The following KCNH7 variants were observed in gnomAD, a reference collection of about 807,000 sequenced individuals.
KCNH7 encodes potassium voltage-gated channel subfamily H member 7, also known as voltage-gated inwardly rectifying potassium channel KCNH7.
A neutral mutation model predicts 120.8 loss-of-function variants in KCNH7; 49 were observed. The ratio of observed to expected loss-of-function variants is 0.41; its 90% confidence interval spans 0.32 to 0.51. The LOEUF (loss-of-function observed/expected upper bound fraction) is 0.51. Among genes scored for constraint, KCNH7 ranks in the 20% least tolerant of loss-of-function variants. The pLI, the probability that KCNH7 is intolerant of heterozygous loss-of-function variation, is 0.38. For synonymous variants in KCNH7, 547 were observed against 516.1 expected (o/e 1.06, Z -0.81); for missense variants, 1,097 against 1,446.6 (o/e 0.76, Z 3.92).
chr2:162,816,875 T>C (rs1394439459), intron 2 of KCNH7, among the ~76,000 whole-genome samples: 1 of 152,100 alleles, frequency 6.6e-6, no homozygotes, highest in Non-Finnish European at 1.5e-5. Flanking sequence ...AATACAGAAA[T>C]GAATTGTAAA....
rs76285401 is a variant in KCNH7 at position 162,435,922 on chromosome 2, T to C, written c.1555-325A>G. On this transcript the variant is annotated intron_variant, in intron 7 of 15. Coordinates refer to ENST00000332142, the MANE Select transcript of KCNH7 (RefSeq NM_033272.4). Reference sequence around the variant, plus strand: ...CAACATACATTCTAGTGTGTTACTGTGTGCCTACTAACGCCACAGGCTGAT... The same window carrying C: ...CAACATACATTCTAGTGTGTTACTGCGTGCCTACTAACGCCACAGGCTGAT... Among the ~76,000 whole-genome samples, 566 of 152,212 alleles carry C rather than the reference T, an allele frequency of 3.7e-3. 5 individuals are homozygous for C. The highest frequency in any genetic ancestry group is 0.013 in the African/African-American group (546 of 41,542).
chr2:162,437,327 G>T (rs886647204), intron 7 of KCNH7, among the ~76,000 whole-genome samples: 2 of 152,094 alleles, frequency 1.3e-5, no homozygotes, highest in African/African-American at 4.8e-5. Context: ...GTTTAGAGAG[G>T]TGAGTCTTCT....
At chr2:162,605,294 G>A (rs1682704941) in intron 2 of KCNH7, among the ~76,000 whole-genome samples, 1 of 152,130 alleles carries the variant, frequency 6.6e-6, no homozygotes, top group South Asian at 2.1e-4. Context: ...TTCTTGGGCT[G>A]AGCATGGAAA....
intron 2 of KCNH7, among the ~76,000 whole-genome samples, chr2:162,612,066 C>T (rs1682988768): frequency 6.6e-6 from 1 of 152,002 alleles, no homozygotes; most frequent in African/African-American, 2.4e-5. Flanking sequence ...TGTGAAAAGC[C>T]CTATGAATGC....
At chr2:162,807,456 C>A (rs763531765) in intron 2 of KCNH7, among the ~76,000 whole-genome samples, 4 of 151,286 alleles carry the variant, frequency 2.6e-5, no homozygotes, top group Non-Finnish European at 5.9e-5. Context: ...GAAAACAACC[C>A]AACAAGACAA....
intron 2 of KCNH7, among the ~76,000 whole-genome samples, chr2:162,578,080 A>G (rs780637337): frequency 3.9e-5 from 6 of 151,970 alleles, no homozygotes; most frequent in Non-Finnish European, 7.4e-5. Flanking sequence ...TCCAAGGACT[A>G]TGGAGACAAG....
At chr2:162,586,836 A>C (rs1480991665) in intron 2 of KCNH7, among the ~76,000 whole-genome samples, 1 of 152,102 alleles carries the variant, frequency 6.6e-6, no homozygotes, top group African/African-American at 2.4e-5. Context: ...AAAAATGAAA[A>C]TAAGAAATAT....
chr2:162,517,948 C>T lies in KCNH7; in HGVS notation c.674G>A (p.Cys225Tyr). The T allele has an allele frequency of 6.2e-7, 1 of 1,612,428 alleles. No individual in the cohort carries two copies. The highest frequency in any genetic ancestry group is 8.5e-7 in the Non-Finnish European group (1 of 1,178,896). The change falls in exon 4 of 16, where the codon TGT becomes TAT. Residue 225 changes from cysteine to tyrosine, a missense_variant. This residue lies in a region of KCNH7 where 362 missense variants were observed against 372.2 expected (regional missense o/e 0.97). Transcript: ENST00000332142. The part of the protein sequence containing the change: ...DTKALIQPSK[C>Y]SPLVNISGPL... ...TCCGGATATATTCACCAAGGGAGAA[C>T]ATTTGCTGGGCTGTATCAAAGCTTT...
chr2:162,521,100 C>T (rs776747323), intron 3 of KCNH7, among the ~76,000 whole-genome samples: 2 of 151,866 alleles, frequency 1.3e-5, no homozygotes, highest in African/African-American at 4.8e-5. Flanking sequence ...CCTTTCATAG[C>T]TTTCACCACA....
intron 2 of KCNH7, among the ~76,000 whole-genome samples, chr2:162,618,159 T>A (rs1683215158): frequency 6.6e-6 from 1 of 151,992 alleles, no homozygotes; most frequent in Non-Finnish European, 1.5e-5. Context: ...AAATAAATAC[T>A]GCATAATAAT....
At chr2:162,450,596 G>A (rs956170929) in intron 6 of KCNH7, among the ~76,000 whole-genome samples, 11 of 151,998 alleles carry the variant, frequency 7.2e-5, no homozygotes, top group Admixed American at 2.0e-4. Context: ...TCATCTTAAT[G>A]ATTCAGAAGA....
At chr2:162,487,882 G>A (rs915026139) in intron 6 of KCNH7, among the ~76,000 whole-genome samples, 1 of 152,146 alleles carries the variant, frequency 6.6e-6, no homozygotes, top group Non-Finnish European at 1.5e-5. Flanking sequence ...TAGGCTGCTT[G>A]GATGTGTGAA....
chr2:162,783,720 C>A (rs1683593599), intron 2 of KCNH7, among the ~76,000 whole-genome samples: 3 of 152,102 alleles, frequency 2.0e-5, no homozygotes, highest in African/African-American at 7.2e-5. Flanking sequence ...ATTTATTTTG[C>A]CAATCCTTTT....
chr2:162,702,283 C>T (rs983324926), intron 2 of KCNH7, among the ~76,000 whole-genome samples: 2 of 152,096 alleles, frequency 1.3e-5, no homozygotes, highest in Non-Finnish European at 2.9e-5. Context: ...TTGGTAGCTC[C>T]CTCCTTTCTG....
intron 2 of KCNH7, among the ~76,000 whole-genome samples, chr2:162,794,822 T>A (rs1421935188): frequency 1.3e-5 from 2 of 152,030 alleles, no homozygotes; most frequent in Non-Finnish European, 2.9e-5. Flanking sequence ...AGTTTAAGAC[T>A]CAGAAGAATT....
chr2:162,511,244 C>G (rs759424313), intron 5 of KCNH7, among the ~76,000 whole-genome samples: 7 of 151,656 alleles, frequency 4.6e-5, no homozygotes, highest in South Asian at 2.1e-4. Context: ...GAAAGTTAAA[C>G]AAGTCCAATT....
Position 162,640,412 on chromosome 2 carries a change from AT to A in KCNH7, c.308-103333del, listed in dbSNP as rs560935858. Among the ~76,000 whole-genome samples, 7 of 151,922 alleles carry A rather than the reference AT, an allele frequency of 4.6e-5. 1 individual carries two copies. The highest frequency in any genetic ancestry group is 1.2e-4 in the African/African-American group (5 of 41,452). ...TAGACCCACATAAATATGCCTGCCT[AT>A]TTTTTTTAAGTTATAAAAATGATTC... On this transcript the variant is annotated intron_variant, in intron 2 of 15. Coordinates refer to ENST00000332142, the MANE Select transcript of KCNH7 (RefSeq NM_033272.4).
chr2:162,586,027 A>G (rs1004517208), intron 2 of KCNH7, among the ~76,000 whole-genome samples: 1 of 152,060 alleles, frequency 6.6e-6, no homozygotes, highest in Non-Finnish European at 1.5e-5. Flanking sequence ...TTCTTCCCAT[A>G]TAGTTATGAT....
At chr2:162,820,919 AT>A (rs56375605) in intron 2 of KCNH7, among the ~76,000 whole-genome samples, 77,927 of 151,964 alleles carry the variant, frequency 0.51, 21,082 homozygotes, top group South Asian at 0.72. Flanking sequence ...TTAATTCATT[AT>A]TTTTTATTGT....
Sources: gnomAD v4.1 joint callset for allele counts (sites outside exome capture counted in the v4.1 genomes callset) on GRCh38, gnomAD v4.1.1 for gene constraint, gnomAD v4.1.1 regional missense constraint, MANE v1.5 for transcripts, NCBI Gene and HGNC (gene_info 2026-07-23, HGNC 2026-07-21) for gene names.